MYH10: variants seen among roughly 807,000 people sequenced by gnomAD.
MYH10 encodes myosin-10.
MYH10 carries 55 observed loss-of-function variants against 257.8 expected under a neutral mutation model. The observed-to-expected ratio is 0.21, with a 90% confidence interval of 0.17 to 0.27. The LOEUF is 0.27. MYH10 is among the 10% of genes least tolerant of loss of function. MYH10 has a pLI of 1.00. For missense variants in MYH10, 1,631 were observed against 2,500.6 expected, an observed-to-expected ratio of 0.65 and a Z score of 7.42; for synonymous variants, 854 against 921.7, an observed-to-expected ratio of 0.93 and a Z score of 1.33.
intron 3 of MYH10, among the ~76,000 whole-genome samples, chr17:8,589,562 T>G (rs577252147): frequency 3.7e-4 from 56 of 152,292 alleles, no homozygotes; most frequent in Non-Finnish European, 1.5e-4. Context: ...CCACGGCCTT[T>G]CAGAATGGCT....
intron 9 of MYH10, among the ~76,000 whole-genome samples, chr17:8,550,374 GC>G (rs1349947547): frequency 1.3e-5 from 2 of 151,910 alleles, no homozygotes; most frequent in Admixed American, 6.6e-5. Flanking sequence ...CCTCTGCCCG[GC>G]CCCGACCCCG....
Position 8,518,685 on chromosome 17 carries a change from A to AT in MYH10, c.2449dup (p.Ile817AsnfsTer74). The AT allele has an allele frequency of 6.2e-7, 1 of 1,614,198 alleles. No individual in the cohort carries two copies. Among genetic ancestry groups the AT allele is most frequent in the Non-Finnish European group, 8.5e-7 (1 of 1,180,024 alleles). ...CTGGAAGAAGATAATGATATCGGTG[A>AT]TTTTTAAATCTCTTTCTTCCTCTAA... is the stretch of plus-strand genomic sequence containing the variant. On this transcript the variant is annotated frameshift_variant, in exon 21 of 43. Coordinates refer to ENST00000360416, the MANE Select transcript of MYH10 (RefSeq NM_001256012.3). LOFTEE classifies it high-confidence loss of function.
At chr17:8,488,185 G>A (rs1468806502) in intron 35 of MYH10, among the ~76,000 whole-genome samples, 1 of 152,184 alleles carries the variant, frequency 6.6e-6, no homozygotes, top group East Asian at 1.9e-4. Flanking sequence ...GGAAACCGAG[G>A]TGGACACACC....
chr17:8,530,334 T>C lies in MYH10; in HGVS notation c.1957+289A>G, dbSNP rs1367354938. Among the ~76,000 whole-genome samples the C allele has an allele frequency of 2.0e-5, 3 of 152,212 alleles. No individual in the cohort carries two copies. The East Asian group carries it at 5.8e-4, about 29-fold the overall frequency. ...ATTGGAAAAGGTAGTGGCATACCTT[T>C]TAATATGCGGTGCTATAAGTGCTAT... is the stretch of plus-strand genomic sequence containing the variant. On this transcript the variant is annotated intron_variant, in intron 17 of 42. Transcript: ENST00000360416.
At chr17:8,555,142 A>T (rs1363672441) in intron 7 of MYH10, among the ~76,000 whole-genome samples, 1 of 152,090 alleles carries the variant, frequency 6.6e-6, no homozygotes, top group Admixed American at 6.6e-5. Context: ...AAAATTAAAC[A>T]TGTTAAACAT....
Position 8,504,113 on chromosome 17 carries a change from G to C in MYH10, c.3599+581C>G, listed in dbSNP as rs2080996129. 6.6e-6 allele frequency among the ~76,000 whole-genome samples: 1 copy of C among 152,184 alleles called. No homozygotes were observed. The highest frequency in any genetic ancestry group is 6.5e-5 in the Admixed American group (1 of 15,278). On this transcript the variant is annotated intron_variant, in intron 28 of 42. Coordinates refer to ENST00000360416, the MANE Select transcript of MYH10 (RefSeq NM_001256012.3). The surrounding 1 kb of genome is among the most constrained non-coding windows in gnomAD (Gnocchi z 5.6). The stretch of plus-strand genomic sequence containing the variant: ...GCTTTCTACCCAGGAGCCTTCTCTG[G>C]CCATGTTCACCTATGCTCGTCACTT...
Position 8,588,797 on chromosome 17 carries a change from G to C in MYH10, c.530+284C>G, listed in dbSNP as rs892882168. Among the ~76,000 whole-genome samples the C allele has an allele frequency of 2.0e-5, 3 of 152,170 alleles. 1 individual carries two copies. In the East Asian group the frequency reaches 5.8e-4, roughly 29 times the overall value. On this transcript the variant is annotated intron_variant, in intron 4 of 42. Coordinates refer to ENST00000360416, the MANE Select transcript of MYH10 (RefSeq NM_001256012.3). ...TCAGTAAATGCTTATTGAGTAAAAA[G>C]AATAAATTACTGAAACGTCCAGTAG...
At chr17:8,479,858 G>A (rs879613410) in intron 40 of MYH10, among the ~76,000 whole-genome samples, 1 of 152,186 alleles carries the variant, frequency 6.6e-6, no homozygotes, top group Non-Finnish European at 1.5e-5. Flanking sequence ...CAAACTCAGG[G>A]TGCCTAGGAA....
intron 14 of MYH10, among the ~76,000 whole-genome samples, chr17:8,541,354 G>C (rs1233072154): frequency 6.6e-6 from 1 of 152,222 alleles, no homozygotes; most frequent in Non-Finnish European, 1.5e-5. Flanking sequence ...ACAGATATCG[G>C]TGGTTAATCA....
chr17:8,625,338 C>T (rs140765931), intron 1 of MYH10, among the ~76,000 whole-genome samples: 2 of 152,284 alleles, frequency 1.3e-5, no homozygotes, highest in African/African-American at 2.4e-5. Flanking sequence ...CAATGTAATG[C>T]GTTACAAACA....
At chr17:8,476,838 G>A (rs1597580486) in intron 42 of MYH10, 38 bp downstream of exon 42, 1 of 1,585,028 alleles carries the variant, frequency 6.3e-7, no homozygotes, top group East Asian at 2.3e-5. Flanking sequence ...AACCCACAAA[G>A]CAGCTGCCTG....
chr17:8,546,383 A>G (rs182003073), intron 12 of MYH10, among the ~76,000 whole-genome samples, 161 bp downstream of exon 12: 8 of 134,936 alleles, frequency 5.9e-5, no homozygotes, highest in Admixed American at 2.4e-4. Flanking sequence ...TCGAAAACGA[A>G]AAAGTAAATA....
At chr17:8,559,171 T>G (rs545839982) in intron 7 of MYH10, among the ~76,000 whole-genome samples, 1 of 152,198 alleles carries the variant, frequency 6.6e-6, no homozygotes, top group Non-Finnish European at 1.5e-5. Context: ...CTTTATATAA[T>G]TGATTTCATC....
At chr17:8,601,850 T>C (rs563326775) in intron 3 of MYH10, among the ~76,000 whole-genome samples, 1 of 152,268 alleles carries the variant, frequency 6.6e-6, no homozygotes, top group East Asian at 1.9e-4. Context: ...CTTTTTCACA[T>C]AAAAAGCAAA....
At chr17:8,536,789 ACT>A (rs2082153355) in intron 14 of MYH10, among the ~76,000 whole-genome samples, 1 of 129,514 alleles carries the variant, frequency 7.7e-6, no homozygotes, top group South Asian at 2.6e-4. Flanking sequence ...ACAGAGCAAG[ACT>A]CTGTCTCAAA....
intron 2 of MYH10, among the ~76,000 whole-genome samples, chr17:8,612,093 C>T (rs567589348): frequency 2.6e-5 from 4 of 152,326 alleles, no homozygotes; most frequent in South Asian, 2.1e-4. Flanking sequence ...TCCGCTCCAT[C>T]GTGCACAGAC....
chr17:8,502,007 G>A (rs544821393), intron 28 of MYH10, among the ~76,000 whole-genome samples: 1 of 152,300 alleles, frequency 6.6e-6, no homozygotes, highest in East Asian at 1.9e-4. Flanking sequence ...AGCCAGTCAG[G>A]TAAACAGCAC....
intron 1 of MYH10, among the ~76,000 whole-genome samples, chr17:8,628,232 T>C (rs1191036557): frequency 6.6e-6 from 1 of 152,206 alleles, no homozygotes; most frequent in Non-Finnish European, 1.5e-5. Flanking sequence ...TTAGTGTCAT[T>C]TTAAATTGCT....
At chr17:8,534,984 C>T (rs939766029) in intron 16 of MYH10, among the ~76,000 whole-genome samples, 3 of 152,150 alleles carry the variant, frequency 2.0e-5, no homozygotes, top group Non-Finnish European at 2.9e-5. Flanking sequence ...GGTGTCGCGG[C>T]GGGTGCGGGT....
Sources: allele counts gnomAD v4.1 joint callset (sites outside exome capture counted in the v4.1 genomes callset), GRCh38; gene constraint gnomAD v4.1.1; non-coding constraint Gnocchi (gnomAD v3.1); transcripts MANE v1.5; gene names NCBI Gene and HGNC (gene_info 2026-07-23, HGNC 2026-07-21).